The following TTC39B variants were observed in gnomAD, a reference collection of about 807,000 sequenced individuals.
TTC39B encodes tetratricopeptide repeat domain 39B.
A neutral mutation model predicts 96.6 loss-of-function variants in TTC39B; 92 were observed. The observed-to-expected ratio is 0.95, with a 90% CI of 0.80 to 1.13. TTC39B has a LOEUF of 1.13. TTC39B is among the 50% of genes most tolerant of loss of function. TTC39B has a pLI of 0.00. For missense variants in TTC39B, 955 were observed against 809.3 expected (o/e 1.18, Z -2.18); for synonymous variants, 367 against 299.4 (o/e 1.23, Z -2.33).
intron 2 of TTC39B, among the ~76,000 whole-genome samples, chr9:15,229,352 C>T (rs1821300878): frequency 6.6e-6 from 1 of 152,172 alleles, no homozygotes; most frequent in East Asian, 1.9e-4. Flanking sequence ...CAGGCCCACC[C>T]AAGGAACATT....
chr9:15,207,952 C>G (rs1400044141), intron 6 of TTC39B, among the ~76,000 whole-genome samples: 1 of 143,536 alleles, frequency 7.0e-6, no homozygotes, highest in African/African-American at 2.7e-5. Flanking sequence ...CCACTGCACT[C>G]CAGCCTGGGC....
chr9:15,214,074 T>C, intron 4 of TTC39B, 65 bp downstream of exon 4: 1 of 1,233,382 alleles, frequency 8.1e-7, no homozygotes, highest in Non-Finnish European at 1.2e-6. Flanking sequence ...TTTACAAGCA[T>C]GACATCAAAG....
At chr9:15,193,652 A>T (rs1161092141) in intron 8 of TTC39B, among the ~76,000 whole-genome samples, 3 of 152,224 alleles carry the variant, frequency 2.0e-5, no homozygotes, top group Non-Finnish European at 4.4e-5. Flanking sequence ...TTGCCAAGAT[A>T]AAATGATGAA....
chr9:15,224,851 C>G (rs895594850), intron 3 of TTC39B, among the ~76,000 whole-genome samples: 4 of 152,166 alleles, frequency 2.6e-5, no homozygotes. Context: ...TTCACTTTAT[C>G]TCCATTCTGT....
chr9:15,240,035 C>T (rs513270), intron 2 of TTC39B, among the ~76,000 whole-genome samples: 28,369 of 152,066 alleles, frequency 0.19, 2,754 homozygotes, highest in African/African-American at 0.2. Flanking sequence ...AAAAAAACTG[C>T]TTCCCAGACC....
chr9:15,214,400 A>T (rs147645401), intron 3 of TTC39B, 151 bp from the exon 4 acceptor site: 1 of 607,132 alleles, frequency 1.6e-6, no homozygotes, highest in African/African-American at 1.9e-5. Context: ...GAGACAGGAC[A>T]GGCTGGTTAT....
Position 15,298,442 on chromosome 9 carries a change from C to T in TTC39B, c.240+8642G>A, listed in dbSNP as rs115710093. Among the ~76,000 whole-genome samples, 120 of 152,304 alleles carry T rather than the reference C, an allele frequency of 7.9e-4. 1 individual carries two copies. Among genetic ancestry groups the T allele is most frequent in the African/African-American group, 2.4e-3 (98 of 41,554 alleles). ...GGTTTAATGGACTCACATTTCCACA[C>T]GGCTGGGAAAGCCTCAAAATCATGG... is the stretch of plus-strand genomic sequence containing the variant. On this transcript the variant is annotated intron_variant, in intron 1 of 19. Transcript: ENST00000512701.
At chr9:15,234,897 G>A (rs1374093811) in intron 2 of TTC39B, among the ~76,000 whole-genome samples, 4 of 151,904 alleles carry the variant, frequency 2.6e-5, no homozygotes, top group African/African-American at 9.7e-5. Flanking sequence ...CACTGCGGAA[G>A]GCCGCAGGGT....
intron 4 of TTC39B, among the ~76,000 whole-genome samples, chr9:15,213,602 T>C (rs942371060): frequency 6.6e-6 from 1 of 152,210 alleles, no homozygotes; most frequent in Non-Finnish European, 1.5e-5. Flanking sequence ...CAATGTACGA[T>C]TATTCTTGTC....
chr9:15,239,075 A>T (rs1386881748), intron 2 of TTC39B, among the ~76,000 whole-genome samples: 1 of 152,190 alleles, frequency 6.6e-6, no homozygotes, highest in African/African-American at 2.4e-5. Flanking sequence ...CAAGAAAGAA[A>T]CAACACCATT....
chr9:15,193,233 A>G (rs1818962139), intron 8 of TTC39B, among the ~76,000 whole-genome samples: 1 of 152,248 alleles, frequency 6.6e-6, no homozygotes, highest in Non-Finnish European at 1.5e-5. Context: ...TTCCTGCTCC[A>G]GCCATGAAAA....
At chr9:15,225,987 T>C (rs1221850054) in exon 3 of TTC39B, 3 of 1,613,860 alleles carry the variant, frequency 1.9e-6, no homozygotes, top group African/African-American at 2.7e-5. Context: ...TGAAGGCTGC[T>C]TGTTGCCATA....
chr9:15,187,988 C>G (rs1818630537), exon 14 of TTC39B: 2 of 1,596,950 alleles, frequency 1.3e-6, no homozygotes, highest in Admixed American at 1.8e-5. Flanking sequence ...CATTTACTCT[C>G]TTTGCAAAGC....
intron 1 of TTC39B, 40 bp downstream of exon 1, chr9:15,307,044 G>C: frequency 3.1e-6 from 5 of 1,599,930 alleles, no homozygotes; most frequent in Non-Finnish European, 4.3e-6. Context: ...TCCTGTCCAG[G>C]GCTTCAGGGG....
chr9:15,284,795 C>T (rs1193652263), intron 1 of TTC39B, among the ~76,000 whole-genome samples: 3 of 152,000 alleles, frequency 2.0e-5, no homozygotes, highest in Admixed American at 2.0e-4. Context: ...GGATTTAAAT[C>T]TTTTACAGTG....
chr9:15,269,742 C>G (rs1389517270), intron 1 of TTC39B, among the ~76,000 whole-genome samples: 1 of 151,560 alleles, frequency 6.6e-6, no homozygotes, highest in Non-Finnish European at 1.5e-5. Flanking sequence ...GTAATCCCAG[C>G]TACTTGGGAG....
chr9:15,266,232 C>A lies in TTC39B; in HGVS notation c.275+1682G>T, dbSNP rs564127512. Among the ~76,000 whole-genome samples the A allele has an allele frequency of 2.0e-5, 3 of 151,804 alleles. No homozygotes were observed. The Middle Eastern group carries it at 0.01, about 516-fold the overall frequency. ...CTGCTCCTAATTAATAGGTTAATCC[C>A]AATCACAATTAAGTTTTTTTTTTAA... On this transcript the variant is annotated intron_variant, in intron 2 of 19. Transcript: ENST00000512701.
chr9:15,238,124 A>G (rs1430541201), intron 2 of TTC39B, among the ~76,000 whole-genome samples: 3 of 152,232 alleles, frequency 2.0e-5, no homozygotes, highest in South Asian at 4.1e-4. Flanking sequence ...CAAAATAATA[A>G]GAGCCATATA....
chr9:15,279,016 C>T (rs1158491060), intron 1 of TTC39B, among the ~76,000 whole-genome samples: 1 of 152,188 alleles, frequency 6.6e-6, no homozygotes, highest in Non-Finnish European at 1.5e-5. Context: ...CATAACTGAG[C>T]CTCAACTTTT....
Sources: gnomAD v4.1 joint callset for allele counts (sites outside exome capture counted in the v4.1 genomes callset) on GRCh38, gnomAD v4.1.1 for gene constraint, MANE v1.5 for transcripts, NCBI Gene and HGNC (gene_info 2026-07-23, HGNC 2026-07-21) for gene names.